AKIRIN2: variants seen among roughly 807,000 people sequenced by gnomAD.
AKIRIN2 encodes akirin 2.
In AKIRIN2, 6 loss-of-function variants were observed where a neutral mutation model predicts 29.3. The observed-to-expected ratio is 0.20, with a 90% confidence interval of 0.11 to 0.40. The LOEUF is 0.40. Among genes scored for constraint, AKIRIN2 ranks in the 10% least tolerant of loss-of-function variants. AKIRIN2 has a pLI of 1.00. For synonymous variants in AKIRIN2, 128 were observed against 117.5 expected (o/e 1.09, Z -0.58); for missense variants, 210 against 276.1 (o/e 0.76, Z 1.70).
intron 1 of AKIRIN2, among the ~76,000 whole-genome samples, chr6:87,697,324 A>G (rs887540114): frequency 6.6e-6 from 1 of 151,546 alleles, no homozygotes. Flanking sequence ...AAAAAAAAAA[A>G]GCTCTATATT....
chr6:87,676,265 C>G (rs564535387), intron 3 of AKIRIN2, among the ~76,000 whole-genome samples: 6 of 150,352 alleles, frequency 4.0e-5, no homozygotes, highest in South Asian at 2.1e-4. Flanking sequence ...AAGATCGAGA[C>G]CATCCTGGCT....
Position 87,702,037 on chromosome 6 carries a change from C to T in AKIRIN2, c.-353G>A, listed in dbSNP as rs1326658048. 2 of 403,706 alleles carry T rather than the reference C, an allele frequency of 5.0e-6. No individual in the cohort carries two copies. The highest frequency in any genetic ancestry group is 4.1e-5 in the African/African-American group (2 of 48,668). The allele number at this position is 403,706 out of a possible 1,614,324, so 25.0% of individuals were successfully genotyped here. On this transcript the variant is annotated 5_prime_UTR_variant, in exon 1 of 5. Transcript: ENST00000257787. ...CGAGCTTTGCGCCGCGCCTGAGGCG[C>T]TTCTGTGCTGAGACTAGATCCTTTC...
In AKIRIN2 at chr6:87,701,567, G is replaced by A. The variant is rs1005821972; in HGVS notation, c.118C>T (p.Pro40Ser). The change falls in exon 1 of 5, where the codon CCG (proline) becomes TCG (serine). Residue 40 changes from proline (P) to serine (S), a missense_variant. Pro to Ser is a moderately conservative substitution (Grantham distance 74, BLOSUM62 -1). Transcript: ENST00000257787. Reference sequence around the variant, plus strand: ...GCGGTGGCCGCGGCCGCCGACAACGGGGAGGCAGCGGCCGAGGTGGGCGCC... The same window carrying A: ...GCGGTGGCCGCGGCCGCCGACAACGAGGAGGCAGCGGCCGAGGTGGGCGCC... ...LSAPTSAAAS[P>S]LSAAAATAAS... 4.9e-6 allele frequency: 7 copies of A among 1,414,338 alleles called. No homozygotes were observed. Among genetic ancestry groups the A allele is most frequent in the Non-Finnish European group, 5.5e-6 (6 of 1,085,324 alleles). 87.6% of individuals were successfully genotyped at this position (1,414,338 alleles called of 1,614,324 possible). A position where few individuals can be genotyped will look rare whatever the true frequency, so the allele number is the denominator to read the frequency against.
chr6:87,693,886 A>T (rs2128302601), intron 1 of AKIRIN2, among the ~76,000 whole-genome samples: 1 of 152,302 alleles, frequency 6.6e-6, no homozygotes, highest in South Asian at 2.1e-4. Context: ...CTATCATAGC[A>T]ACTAAAATCT....
chr6:87,690,585 T>C (rs1400862595), intron 1 of AKIRIN2, among the ~76,000 whole-genome samples: 2 of 152,184 alleles, frequency 1.3e-5, no homozygotes, highest in Non-Finnish European at 1.5e-5. Context: ...TTATACACTT[T>C]AAAAAAGGAA....
In AKIRIN2 at chr6:87,681,728, G is replaced by A; in HGVS notation, c.271C>T (p.Arg91Ter). 2 of 1,609,426 alleles carry A rather than the reference G, an allele frequency of 1.2e-6. No individual in the cohort carries two copies. Among genetic ancestry groups the A allele is most frequent in the Non-Finnish European group, 1.7e-6 (2 of 1,177,242 alleles). Reference sequence around the variant, plus strand: ...TCTAAATGTCTTCTCTTCTGCATTCGTTTATACTCTTGTTTTATGTTGTAC... The same window carrying A: ...TCTAAATGTCTTCTCTTCTGCATTCATTTATACTCTTGTTTTATGTTGTAC... ...ILYNIKQEYK[R>*]MQKRRHLETS... Residue 91 changes from arginine (R) to a stop codon, truncating the protein, a stop_gained, in exon 2 of 5, where the codon CGA (arginine) becomes TGA (stop). Transcript: ENST00000257787. LOFTEE classifies it high-confidence loss of function.
intron 1 of AKIRIN2, among the ~76,000 whole-genome samples, chr6:87,691,261 G>A (rs1771274004): frequency 6.6e-6 from 1 of 151,738 alleles, no homozygotes; most frequent in Non-Finnish European, 1.5e-5. Context: ...TGGCCAACAT[G>A]GTGAAACTGT....
Position 87,701,668 on chromosome 6 carries a change from G to A in AKIRIN2, c.17C>T (p.Thr6Ile). The change falls in exon 1 of 5, where the codon ACT becomes ATT. Residue 6 changes from threonine to isoleucine, a missense_variant. Around this residue, in one of 2 missense-constraint regions of AKIRIN2, gnomAD observed 199 missense variants for 236.5 expected, o/e 0.84. Coordinates refer to ENST00000257787, the MANE Select transcript of AKIRIN2 (RefSeq NM_018064.4). MACGATLKRTLDFDPL... is the reference protein window; with the variant it reads MACGAILKRTLDFDPL... ...GTCGAAATCCAGAGTCCTTTTCAGA[G>A]TGGCTCCGCACGCCATGGCCGGGGG... 1 of 1,461,304 alleles carries A rather than the reference G, an allele frequency of 6.8e-7. No homozygotes were observed. The highest frequency in any genetic ancestry group is 9.0e-7 in the Non-Finnish European group (1 of 1,110,604). 90.5% of individuals were successfully genotyped at this position (1,461,304 alleles called of 1,614,324 possible). A position where few individuals can be genotyped will look rare whatever the true frequency, so the allele number is the denominator to read the frequency against.
intron 1 of AKIRIN2, among the ~76,000 whole-genome samples, chr6:87,698,676 T>C (rs1238308330): frequency 6.6e-6 from 1 of 152,206 alleles, no homozygotes; most frequent in African/African-American, 2.4e-5. Flanking sequence ...TAATGCCAAT[T>C]AGCATAATAA....
intron 2 of AKIRIN2, among the ~76,000 whole-genome samples, chr6:87,678,414 A>G (rs1258431649): frequency 6.6e-6 from 1 of 151,708 alleles, no homozygotes; most frequent in Non-Finnish European, 1.5e-5. Context: ...AGGCAGGAGA[A>G]TCACTTGAAC....
At chr6:87,690,544 A>G (rs1771263383) in intron 1 of AKIRIN2, among the ~76,000 whole-genome samples, 1 of 152,360 alleles carries the variant, frequency 6.6e-6, no homozygotes, top group South Asian at 2.1e-4. Context: ...ACATGACATT[A>G]ACCTATATAC....
At chr6:87,696,699 C>CAAAA (rs35676911) in intron 1 of AKIRIN2, among the ~76,000 whole-genome samples, 1 of 87,762 alleles carries the variant, frequency 1.1e-5, no homozygotes, top group East Asian at 3.5e-4. Context: ...AGACTCCATC[C>CAAAA]AAAAAAAAAA....
At chr6:87,678,514 A>C (rs529760323) in intron 2 of AKIRIN2, among the ~76,000 whole-genome samples, 2 of 152,222 alleles carry the variant, frequency 1.3e-5, no homozygotes, top group South Asian at 4.1e-4. Flanking sequence ...AAAAAATAAA[A>C]ACAAAAAATT....
chr6:87,675,870 C>T lies in AKIRIN2; in HGVS notation c.591G>A (p.Gln197=), dbSNP rs1770963580. 6.2e-7 allele frequency: 1 copy of T among 1,613,664 alleles called. No homozygotes were observed. Among genetic ancestry groups the T allele is most frequent in the Non-Finnish European group, 8.5e-7 (1 of 1,179,802 alleles). ...HDQIMRRYGE[Q]PASYVS The stretch of plus-strand genomic sequence containing the variant: ...AGGTGAAATACTTACAGCTAGCAGG[C>T]TGTTCTCCATATCGTCGCATTATTT... Residue 197 remains glutamine (Q), a synonymous_variant, in exon 4 of 5, where the codon CAG becomes CAA. Transcript: ENST00000257787.
At chr6:87,695,761 G>C (rs1771350050) in intron 1 of AKIRIN2, among the ~76,000 whole-genome samples, 1 of 152,152 alleles carries the variant, frequency 6.6e-6, no homozygotes, top group East Asian at 1.9e-4. Flanking sequence ...TTTATAAAGA[G>C]AAAAATCTCT....
rs1314486817 is a variant in AKIRIN2, at chr6:87,700,580, T to C, written c.235+870A>G. ...CAGCCAAAAGACATTCCCCAGTCTC[T>C]CTCAGGAAATGTTTCAAGATGAAAA... On this transcript the variant is annotated intron_variant, in intron 1 of 4. Coordinates refer to ENST00000257787, the MANE Select transcript of AKIRIN2 (RefSeq NM_018064.4). The C allele has an allele frequency of 2.0e-5, 3 of 152,212 alleles. 1 individual carries two copies. Among genetic ancestry groups the C allele is most frequent in the South Asian group, 4.1e-4 (2 of 4,834 alleles). 9.4% of individuals were successfully genotyped at this position (152,212 alleles called of 1,614,324 possible).
chr6:87,698,853 C>CGGG (rs1205668220), intron 1 of AKIRIN2, among the ~76,000 whole-genome samples: 2 of 152,152 alleles, frequency 1.3e-5, no homozygotes, highest in East Asian at 3.8e-4. Flanking sequence ...TTAAAACAGA[C>CGGG]ATCCAAGTTC....
intron 3 of AKIRIN2, among the ~76,000 whole-genome samples, chr6:87,676,759 G>T (rs1313157646): frequency 6.8e-6 from 1 of 147,992 alleles, no homozygotes; most frequent in Non-Finnish European, 1.5e-5. Flanking sequence ...CGGCCTGGGC[G>T]ACAGAGTGAG....
rs1401658070 is a variant in AKIRIN2 at position 87,701,622 on chromosome 6, G to T, written c.63C>A (p.Ser21=). 1.4e-6 allele frequency: 2 copies of T among 1,458,380 alleles called. No individual in the cohort carries two copies. Among genetic ancestry groups the T allele is most frequent in the Non-Finnish European group, 1.8e-6 (2 of 1,108,590 alleles). The allele number at this position is 1,458,380 out of a possible 1,614,324, so 90.3% of individuals were successfully genotyped here. A position where few individuals can be genotyped will look rare whatever the true frequency, so the allele number is the denominator to read the frequency against. The change falls in exon 1 of 5, where the codon TCC becomes TCA. Residue 21 remains serine (S), a synonymous_variant. Transcript: ENST00000257787. ...LDFDPLLSPA[S]PKRRRCAPLS... ...ATGGCGCACATCGCCTGCGCTTCGG[G>T]GACGCCGGGCTCAACAGCGGGTCGA...
Sources: allele counts gnomAD v4.1 joint callset (sites outside exome capture counted in the v4.1 genomes callset), GRCh38; gene constraint gnomAD v4.1.1; regional missense constraint gnomAD v4.1.1; transcripts MANE v1.5; gene names NCBI Gene and HGNC (gene_info 2026-07-23, HGNC 2026-07-21).